The following P4HA1 variants were observed in gnomAD, a reference collection of about 807,000 sequenced individuals.
P4HA1 encodes prolyl 4-hydroxylase subunit alpha 1.
A neutral mutation model predicts 72.8 loss-of-function variants in P4HA1; 24 were observed. That is an observed-to-expected ratio of 0.33 (90% CI 0.24 to 0.46). The LOEUF is 0.46. Among genes scored for constraint, P4HA1 ranks in the 20% least tolerant of loss-of-function variants. P4HA1 has a pLI of 1.00. For missense variants in P4HA1, 446 were observed against 640.6 expected, an observed-to-expected ratio of 0.70 and a Z score of 3.28; for synonymous variants, 201 against 218.8, an observed-to-expected ratio of 0.92 and a Z score of 0.72.
chr10:73,042,973 T>C (rs1840771962), intron 9 of P4HA1, among the ~76,000 whole-genome samples: 1 of 151,522 alleles, frequency 6.6e-6, no homozygotes, highest in South Asian at 2.1e-4. Flanking sequence ...GAAAATCTTT[T>C]ATTTATCACA....
chr10:73,090,718 C>T (rs1842010429), intron 1 of P4HA1, among the ~76,000 whole-genome samples: 1 of 152,016 alleles, frequency 6.6e-6, no homozygotes, highest in Non-Finnish European at 1.5e-5. Flanking sequence ...TTTTTAAATT[C>T]AGGCATAGTA....
intron 1 of P4HA1, among the ~76,000 whole-genome samples, chr10:73,095,979 G>A (rs1253549835): frequency 6.6e-6 from 1 of 152,224 alleles, no homozygotes; most frequent in Non-Finnish European, 1.5e-5. Context: ...TTGGACTGAT[G>A]TGGACTTTTA....
chr10:73,052,207 AAAG>A (rs1841037856), intron 6 of P4HA1, among the ~76,000 whole-genome samples: 1 of 151,890 alleles, frequency 6.6e-6, no homozygotes, highest in Admixed American at 6.6e-5. Flanking sequence ...AAAAAAAACT[AAAG>A]AACCACACAC....
chr10:73,022,328 T>G (rs953755461), intron 10 of P4HA1, among the ~76,000 whole-genome samples: 5 of 152,036 alleles, frequency 3.3e-5, no homozygotes, highest in African/African-American at 1.2e-4. Context: ...CTGTTCTGCA[T>G]CCTCTGCTGG....
intron 9 of P4HA1, 75 bp from the exon 10 acceptor site, chr10:73,030,445 C>T (rs934267009): frequency 4.4e-6 from 3 of 682,368 alleles, no homozygotes; most frequent in Admixed American, 5.5e-5. Flanking sequence ...ATTTTTAAAG[C>T]CATAATATTT....
intron 5 of P4HA1, 152 bp downstream of exon 5, chr10:73,068,694 A>G (rs1483966118): frequency 8.2e-6 from 5 of 607,668 alleles, no homozygotes; most frequent in African/African-American, 5.5e-5. Context: ...CCTAAGAGAA[A>G]GGGAAGGTGA....
chr10:73,070,318 G>C (rs926819015), intron 4 of P4HA1, among the ~76,000 whole-genome samples: 3 of 151,320 alleles, frequency 2.0e-5, no homozygotes, highest in Admixed American at 6.6e-5. Context: ...CACCAGGCCC[G>C]GCTAACTTTT....
At chr10:73,087,549 ACCC>A (rs1041405677) in intron 1 of P4HA1, among the ~76,000 whole-genome samples, 1 of 152,032 alleles carries the variant, frequency 6.6e-6, no homozygotes, top group African/African-American at 2.4e-5. Context: ...TACAGGCATG[ACCC>A]ACCATGCCTG....
intron 1 of P4HA1, among the ~76,000 whole-genome samples, chr10:73,087,547 T>C (rs1841948594): frequency 6.6e-6 from 1 of 152,186 alleles, no homozygotes; most frequent in Non-Finnish European, 1.5e-5. Context: ...ATTACAGGCA[T>C]GACCCACCAT....
At chr10:73,051,901 T>C (rs1407273447) in intron 6 of P4HA1, among the ~76,000 whole-genome samples, 2 of 152,162 alleles carry the variant, frequency 1.3e-5, no homozygotes, top group Admixed American at 1.3e-4. Context: ...CTCATCCTAC[T>C]TATTTTAAGA....
intron 3 of P4HA1, 91 bp from the exon 4 acceptor site, chr10:73,072,271 T>A: frequency 9.7e-7 from 1 of 1,034,112 alleles, no homozygotes; most frequent in Non-Finnish European, 1.4e-6. Context: ...TGACTAGAAG[T>A]TTTTGAGTTC....
chr10:73,018,610 A>G (rs556657766), intron 10 of P4HA1, among the ~76,000 whole-genome samples: 4 of 148,202 alleles, frequency 2.7e-5, no homozygotes, highest in African/African-American at 7.8e-5. Context: ...TAGAGTGACT[A>G]CTAGAACCTG....
At chr10:73,096,139 G>A (rs1280399252) in intron 1 of P4HA1, among the ~76,000 whole-genome samples, 3 of 152,212 alleles carry the variant, frequency 2.0e-5, no homozygotes, top group Non-Finnish European at 4.4e-5. Flanking sequence ...TCGGCGCTAC[G>A]AGCAGAAAGC....
At chr10:73,041,309 C>T (rs893760051) in intron 9 of P4HA1, among the ~76,000 whole-genome samples, 4 of 152,014 alleles carry the variant, frequency 2.6e-5, no homozygotes, top group Admixed American at 2.0e-4. Flanking sequence ...CTTTGGGAGG[C>T]CGAGGCAGGC....
In P4HA1 at chr10:73,074,915, C is replaced by A. The variant is rs750831249; in HGVS notation, c.-32G>T. 1.1e-6 allele frequency: 1 copy of A among 937,492 alleles called. No individual in the cohort carries two copies. The highest frequency in any genetic ancestry group is 1.5e-5 in the South Asian group (1 of 68,590). 58.1% of individuals were successfully genotyped at this position (937,492 alleles called of 1,614,324 possible). On this transcript the variant is annotated splice_region_variant and 5_prime_UTR_variant, in exon 2 of 15. Transcript: ENST00000394890. ...AGATTTAATTTTACAGGATCACACA[C>A]CTACAAAAGAAAGAGAGAAATGCAG... is the stretch of plus-strand genomic sequence containing the variant.
chr10:73,087,575 C>T (rs1325860899), intron 1 of P4HA1, among the ~76,000 whole-genome samples: 1 of 151,748 alleles, frequency 6.6e-6, no homozygotes, highest in African/African-American at 2.4e-5. Context: ...CTATGTTTAA[C>T]ACCTTTTGGG....
chr10:73,051,813 G>A lies in P4HA1; in HGVS notation c.704-564C>T, dbSNP rs539834809. Among the ~76,000 whole-genome samples the A allele has an allele frequency of 3.7e-4, 56 of 152,254 alleles. No individual in the cohort carries two copies. In the South Asian group the frequency reaches 0.01, roughly 28 times the overall value. On this transcript the variant is annotated intron_variant, in intron 6 of 14. Coordinates refer to ENST00000394890, the MANE Select transcript of P4HA1 (RefSeq NM_001017962.3). Reference sequence around the variant, plus strand: ...GCTATTTATTTAAAGGTGGCAACTGGTGCTTTTACTTTGAGAATTTACTAA... The same window carrying A: ...GCTATTTATTTAAAGGTGGCAACTGATGCTTTTACTTTGAGAATTTACTAA...
intron 5 of P4HA1, among the ~76,000 whole-genome samples, chr10:73,057,199 A>G (rs942124749): frequency 6.6e-6 from 1 of 151,990 alleles, no homozygotes; most frequent in Non-Finnish European, 1.5e-5. Flanking sequence ...TAGTTAAAAC[A>G]CAAAGACAAG....
intron 1 of P4HA1, among the ~76,000 whole-genome samples, chr10:73,093,717 G>C (rs1356397507): frequency 1.3e-5 from 2 of 149,248 alleles, no homozygotes; most frequent in Non-Finnish European, 1.5e-5. Context: ...ATGGTGGGCG[G>C]CTGTAGTCCC....
Sources: allele counts gnomAD v4.1 joint callset (sites outside exome capture counted in the v4.1 genomes callset), GRCh38; gene constraint gnomAD v4.1.1; transcripts MANE v1.5; gene names NCBI Gene and HGNC (gene_info 2026-07-23, HGNC 2026-07-21).